Variants in FAM234B observed in about 807,000 individuals in gnomAD.
FAM234B encodes family with sequence similarity 234 member B.
FAM234B carries 33 observed loss-of-function variants against 69.3 expected under a neutral mutation model. The observed-to-expected ratio is 0.48, with a 90% CI of 0.36 to 0.64. FAM234B has a LOEUF of 0.64. Ranked by LOEUF, FAM234B falls within the 30% of genes least tolerant of loss-of-function variation. The probability of loss-of-function intolerance (pLI) is 0.00; values close to 1 mark genes in which losing one functional copy is unlikely to be tolerated. For synonymous variants in FAM234B, 306 were observed against 306.9 expected (o/e 1.00, Z 0.03); for missense variants, 697 against 769.7 (o/e 0.91, Z 1.12).
intron 3 of FAM234B, among the ~76,000 whole-genome samples, chr12:13,060,541 C>G (rs1308412726): frequency 6.6e-6 from 1 of 152,178 alleles, no homozygotes; most frequent in Non-Finnish European, 1.5e-5. Context: ...GATAGGGATC[C>G]TAGCACCTTT....
At chr12:13,071,208 G>A in intron 9 of FAM234B, 33 bp from the exon 10 acceptor site, 1 of 1,610,312 alleles carries the variant, frequency 6.2e-7, no homozygotes, top group Non-Finnish European at 8.5e-7. Context: ...TTTGAGGCCT[G>A]GCCATGTTTA....
At chr12:13,046,217 G>A (rs1019979979) in intron 1 of FAM234B, among the ~76,000 whole-genome samples, 3 of 96,774 alleles carry the variant, frequency 3.1e-5, no homozygotes, top group South Asian at 3.6e-4. Context: ...GCAGGGTCGG[G>A]CCTGGTTAGT....
intron 11 of FAM234B, among the ~76,000 whole-genome samples, chr12:13,076,997 T>A (rs543154659): frequency 6.6e-6 from 1 of 152,222 alleles, no homozygotes; most frequent in Non-Finnish European, 1.5e-5. Context: ...TACAAACTCA[T>A]TGGCCTTGGG....
chr12:13,045,789 C>T (rs1433773645), intron 1 of FAM234B, among the ~76,000 whole-genome samples: 2 of 151,568 alleles, frequency 1.3e-5, no homozygotes, highest in Non-Finnish European at 2.9e-5. Context: ...GAATGATGTC[C>T]TCCCAGAGGG....
At chr12:13,076,532 A>G (rs939977280) in intron 11 of FAM234B, among the ~76,000 whole-genome samples, 1 of 152,226 alleles carries the variant, frequency 6.6e-6, no homozygotes, top group East Asian at 1.9e-4. Context: ...TTTGGAATTA[A>G]CTGTGAAGGA....
chr12:13,072,048 G>T (rs900999551), intron 10 of FAM234B, among the ~76,000 whole-genome samples: 1 of 152,166 alleles, frequency 6.6e-6, no homozygotes, highest in Admixed American at 6.5e-5. Flanking sequence ...AACACATCTT[G>T]ACTCAGCACT....
intron 2 of FAM234B, among the ~76,000 whole-genome samples, chr12:13,056,156 G>C (rs576238083): frequency 6.6e-6 from 1 of 152,198 alleles, no homozygotes; most frequent in African/African-American, 2.4e-5. Context: ...TGTTGTGTCT[G>C]TTGGCATTGG....
chr12:13,047,715 C>G (rs1864826732), intron 1 of FAM234B, among the ~76,000 whole-genome samples: 1 of 152,148 alleles, frequency 6.6e-6, no homozygotes, highest in Admixed American at 6.6e-5. Context: ...GAAAACCTTT[C>G]ATTCATTAAA....
chr12:13,078,595 A>G (rs1865188628), intron 11 of FAM234B, among the ~76,000 whole-genome samples: 1 of 152,220 alleles, frequency 6.6e-6, no homozygotes, highest in East Asian at 1.9e-4. Context: ...GAGGAAGTCA[A>G]ATTGTCCATG....
chr12:13,080,745 C>CAGGGAGGTGGTAAA lies in FAM234B; in HGVS notation c.*115_*116insAGGGAGGTGGTAAA. 1.1e-6 allele frequency: 1 copy of CAGGGAGGTGGTAAA among 877,364 alleles called. No individual in the cohort carries two copies. Among genetic ancestry groups the CAGGGAGGTGGTAAA allele is most frequent in the Non-Finnish European group, 1.8e-6 (1 of 544,810 alleles). 54.3% of individuals were successfully genotyped at this position (877,364 alleles called of 1,614,324 possible). ...AGACTTCTTCGTCCTCATTTACCACCTCCCTGATGGTTGCAAAGGCTTGGG... is the reference window on the plus strand; with the variant it reads ...AGACTTCTTCGTCCTCATTTACCACCAGGGAGGTGGTAAATCCCTGATGGTTGCAAAGGCTTGGG... On this transcript the variant is annotated 3_prime_UTR_variant, in exon 13 of 13. Transcript: ENST00000197268.
Position 13,067,211 on chromosome 12 carries a change from A to G in FAM234B, c.1057A>G (p.Ser353Gly), listed in dbSNP as rs765919769. The G allele has an allele frequency of 4.3e-6, 7 of 1,613,930 alleles. No individual in the cohort carries two copies. Among genetic ancestry groups the G allele is most frequent in the Admixed American group, 1.7e-5 (1 of 59,998 alleles). ...DIFVQAQNRD[S>G]SPPSLQIEEP... The stretch of plus-strand genomic sequence containing the variant: ...TTTTGTTCAGGCCCAAAATCGAGAC[A>G]GCTCACCACCTTCTCTGCAGATAGA... Residue 353 changes from serine to glycine, a missense_variant, in exon 7 of 13, where the codon AGC (serine) becomes GGC (glycine). Physicochemically the swap from Ser to Gly is moderately conservative, Grantham distance 56. Transcript: ENST00000197268. This position sits in a 1 kb window ranked among gnomAD's most constrained non-coding sequence, Gnocchi z 4.7.
chr12:13,048,934 G>A (rs1423599929), intron 1 of FAM234B, among the ~76,000 whole-genome samples: 6 of 152,154 alleles, frequency 3.9e-5, no homozygotes, highest in African/African-American at 1.4e-4. Flanking sequence ...ATCAGATCTC[G>A]TGAGACTTAT....
In FAM234B at chr12:13,044,473, C is replaced by A; in HGVS notation, c.37+33C>A. On this transcript the variant is annotated intron_variant, in intron 1 of 12. Transcript: ENST00000197268. This position sits in a 1 kb window ranked among gnomAD's most constrained non-coding sequence, Gnocchi z 5.6. ...GTCGCATGCTTGCGACCACCCAGTC[C>A]CCGCCGGTGTTGGAATAAGGGGAGG... The A allele has an allele frequency of 1.3e-6, 2 of 1,549,818 alleles. No individual in the cohort carries two copies. The highest frequency in any genetic ancestry group is 1.7e-6 in the Non-Finnish European group (2 of 1,145,886).
intron 1 of FAM234B, among the ~76,000 whole-genome samples, chr12:13,050,759 G>A (rs1209611726): frequency 6.6e-6 from 1 of 152,130 alleles, no homozygotes; most frequent in African/African-American, 2.4e-5. Flanking sequence ...ATATAAGATT[G>A]ATGTGAGGAT....
At chr12:13,045,443 A>AT (rs1309394731) in intron 1 of FAM234B, among the ~76,000 whole-genome samples, 1 of 152,224 alleles carries the variant, frequency 6.6e-6, no homozygotes, top group Non-Finnish European at 1.5e-5. Flanking sequence ...AGCTATCTCT[A>AT]GAGAGGGCTA....
In FAM234B at chr12:13,081,658, C is replaced by T. The variant is rs948954028; in HGVS notation, c.*1028C>T. On this transcript the variant is annotated 3_prime_UTR_variant, in exon 13 of 13. Coordinates refer to ENST00000197268, the MANE Select transcript of FAM234B (RefSeq NM_020853.2). Reference sequence around the variant, plus strand: ...TGAGTCCAGGATGCAACCATTTTGTCCTGCATCTCTTCTTTCCTGTAGAGC... The same window carrying T: ...TGAGTCCAGGATGCAACCATTTTGTTCTGCATCTCTTCTTTCCTGTAGAGC... The T allele has an allele frequency of 6.6e-6, 1 of 152,154 alleles. No individual in the cohort carries two copies. The highest frequency in any genetic ancestry group is 1.5e-5 in the Non-Finnish European group (1 of 68,022). The allele number at this position is 152,154 out of a possible 1,614,324, so 9.4% of individuals were successfully genotyped here. A position where few individuals can be genotyped will look rare whatever the true frequency, so the allele number is the denominator to read the frequency against.
intron 1 of FAM234B, among the ~76,000 whole-genome samples, chr12:13,054,123 T>G (rs951438869): frequency 6.6e-6 from 1 of 152,202 alleles, no homozygotes; most frequent in African/African-American, 2.4e-5. Flanking sequence ...TTACAATCAA[T>G]TTGTACAATA....
intron 1 of FAM234B, among the ~76,000 whole-genome samples, chr12:13,046,935 C>G (rs1220774618): frequency 6.6e-6 from 1 of 152,222 alleles, no homozygotes; most frequent in Non-Finnish European, 1.5e-5. Flanking sequence ...CTATGCCACA[C>G]ATTCTACTAC....
At chr12:13,071,645 AAG>A (rs1480808187) in intron 10 of FAM234B, among the ~76,000 whole-genome samples, 5 of 152,118 alleles carry the variant, frequency 3.3e-5, no homozygotes, top group Non-Finnish European at 7.4e-5. Flanking sequence ...AGGCTGAATA[AAG>A]AATAAAAAGT....
Sources: gnomAD v4.1 joint callset for allele counts (sites outside exome capture counted in the v4.1 genomes callset) on GRCh38, gnomAD v4.1.1 for gene constraint, Gnocchi (gnomAD v3.1) non-coding constraint, MANE v1.5 for transcripts, NCBI Gene and HGNC (gene_info 2026-07-23, HGNC 2026-07-21) for gene names.